RUNX2: variants seen among roughly 807,000 people sequenced by gnomAD.
RUNX2 encodes the protein RUNX family transcription factor 2, also known as runt-related transcription factor 2.
In RUNX2, 10 loss-of-function variants were observed where a neutral mutation model predicts 51.7. The observed-to-expected ratio is 0.19, with a 90% CI of 0.12 to 0.33. The LOEUF (loss-of-function observed/expected upper bound fraction) is 0.33. Among genes scored for constraint, RUNX2 ranks in the 10% least tolerant of loss-of-function variants. The pLI is 1.00. For synonymous variants in RUNX2, 276 were observed against 273.6 expected, an observed-to-expected ratio of 1.01 and a Z score of -0.09; for missense variants, 562 against 691.3, an observed-to-expected ratio of 0.81 and a Z score of 2.10.
chr6:45,535,870 G>A (rs892416167), intron 7 of RUNX2, among the ~76,000 whole-genome samples: 21 of 151,964 alleles, frequency 1.4e-4, no homozygotes, highest in Admixed American at 1.3e-4. Context: ...GATGGAAAAG[G>A]GTCTGGTATG....
At chr6:45,503,001 C>G (rs908558016) in intron 6 of RUNX2, among the ~76,000 whole-genome samples, 1 of 152,128 alleles carries the variant, frequency 6.6e-6, no homozygotes, top group Non-Finnish European at 1.5e-5. Context: ...TGCCTTCTTC[C>G]CAGGAACTGG....
chr6:45,372,037 T>C, intron 2 of RUNX2: 1 of 966,720 alleles, frequency 1.0e-6, no homozygotes, highest in Non-Finnish European at 1.2e-6. Context: ...AATAAAAGTT[T>C]ATCATAACTA....
At chr6:45,477,706 C>T (rs1487412038) in intron 5 of RUNX2, among the ~76,000 whole-genome samples, 1 of 152,208 alleles carries the variant, frequency 6.6e-6, no homozygotes, top group African/African-American at 2.4e-5. Flanking sequence ...CAGTGTTTAT[C>T]TTCTGACTTA....
chr6:45,473,744 C>T (rs1799873706), intron 5 of RUNX2, among the ~76,000 whole-genome samples: 1 of 152,194 alleles, frequency 6.6e-6, no homozygotes, highest in Admixed American at 6.5e-5. Context: ...AAATAAACCT[C>T]TGTTAAAACC....
At chr6:45,473,581 T>C (rs1242041175) in intron 5 of RUNX2, among the ~76,000 whole-genome samples, 1 of 152,134 alleles carries the variant, frequency 6.6e-6, no homozygotes, top group East Asian at 1.9e-4. Context: ...CCATTAAGGG[T>C]ATGGTACATA....
intron 5 of RUNX2, among the ~76,000 whole-genome samples, chr6:45,452,346 A>G (rs1015830583): frequency 2.0e-5 from 3 of 152,236 alleles, no homozygotes; most frequent in African/African-American, 7.2e-5. Context: ...ACCTTCATGC[A>G]TTTAAAGACT....
intron 5 of RUNX2, among the ~76,000 whole-genome samples, chr6:45,473,470 A>G (rs571882302): frequency 2.6e-5 from 4 of 152,336 alleles, no homozygotes; most frequent in African/African-American, 9.6e-5. Flanking sequence ...CACTCTGAGA[A>G]TTAACATGTG....
intron 5 of RUNX2, among the ~76,000 whole-genome samples, chr6:45,485,885 A>G (rs1457831631): frequency 6.6e-6 from 1 of 151,678 alleles, no homozygotes; most frequent in East Asian, 1.9e-4. Flanking sequence ...CCCTTAGTCA[A>G]AATCAATTGC....
intron 5 of RUNX2, among the ~76,000 whole-genome samples, chr6:45,477,087 C>T (rs1449505873): frequency 2.0e-5 from 3 of 152,162 alleles, no homozygotes. Flanking sequence ...TTGCTAAGCT[C>T]CCCTGGGTCC....
intron 7 of RUNX2, among the ~76,000 whole-genome samples, 172 bp from the exon 8 acceptor site, chr6:45,545,045 C>G (rs991089043): frequency 6.6e-6 from 1 of 152,126 alleles, no homozygotes. Flanking sequence ...TGCTCACTAG[C>G]TTTTACCCTC....
At chr6:45,434,498 A>G (rs528438025) in intron 4 of RUNX2, among the ~76,000 whole-genome samples, 3 of 152,246 alleles carry the variant, frequency 2.0e-5, no homozygotes, top group East Asian at 1.9e-4. Context: ...CTGAAAAACA[A>G]TCTTAGATTA....
At chr6:45,446,347 A>T (rs1226253780) in intron 5 of RUNX2, among the ~76,000 whole-genome samples, 1 of 152,208 alleles carries the variant, frequency 6.6e-6, no homozygotes, top group African/African-American at 2.4e-5. Flanking sequence ...TTTTCAAGTG[A>T]TATGTGTTCT....
intron 2 of RUNX2, among the ~76,000 whole-genome samples, chr6:45,393,601 C>T (rs1331357873): frequency 2.6e-5 from 4 of 151,824 alleles, no homozygotes; most frequent in Non-Finnish European, 4.4e-5. Context: ...GCTAATTTTT[C>T]GTATTTTTAG....
chr6:45,401,001 A>G (rs1056283771), intron 2 of RUNX2, among the ~76,000 whole-genome samples: 1 of 152,208 alleles, frequency 6.6e-6, no homozygotes, highest in Admixed American at 6.5e-5. Flanking sequence ...GGTGGTAAGT[A>G]TATGAGTGTT....
chr6:45,389,385 G>A (rs887615909), intron 2 of RUNX2, among the ~76,000 whole-genome samples: 24 of 152,164 alleles, frequency 1.6e-4, no homozygotes, highest in Admixed American at 1.3e-3. Context: ...CAGATCACTG[G>A]TCTAGAAAGA....
intron 2 of RUNX2, among the ~76,000 whole-genome samples, chr6:45,380,050 T>C (rs1249674838): frequency 1.3e-5 from 2 of 152,216 alleles, no homozygotes; most frequent in Admixed American, 6.5e-5. Context: ...TCCTGGAATT[T>C]CTTAAAATCC....
chr6:45,521,395 T>A (rs1156669778), intron 7 of RUNX2, among the ~76,000 whole-genome samples: 1 of 152,224 alleles, frequency 6.6e-6, no homozygotes, highest in Admixed American at 6.5e-5. Context: ...AGAACACATA[T>A]CAAGACTGTA....
At chr6:45,433,271 C>A (rs1055728625) in intron 4 of RUNX2, among the ~76,000 whole-genome samples, 26 of 152,140 alleles carry the variant, frequency 1.7e-4, no homozygotes, top group African/African-American at 6.0e-4. Context: ...AGTTAACTTT[C>A]ATAAAAAGAA....
At chr6:45,404,259 C>CAAAAAAAA (rs34529128) in intron 2 of RUNX2, among the ~76,000 whole-genome samples, 7 of 27,386 alleles carry the variant, frequency 2.6e-4, no homozygotes, top group African/African-American at 2.8e-4. Flanking sequence ...GACTCTGTCT[C>CAAAAAAAA]AAAAAAAAAA....
Sources: gnomAD v4.1 joint callset for allele counts (sites outside exome capture counted in the v4.1 genomes callset) on GRCh38, gnomAD v4.1.1 for gene constraint, MANE v1.5 for transcripts, NCBI Gene and HGNC (gene_info 2026-07-23, HGNC 2026-07-21) for gene names.